FOXP2: variants seen among roughly 807,000 people sequenced by gnomAD.
The protein encoded by FOXP2 is forkhead box P2.
FOXP2 carries 12 observed loss-of-function variants against 115.8 expected under a neutral mutation model. The observed-to-expected ratio is 0.10, with a 90% confidence interval of 0.07 to 0.17. FOXP2 has a LOEUF of 0.17. FOXP2 is among the 10% of genes least tolerant of loss of function. The probability of loss-of-function intolerance (pLI) is 1.00; values close to 1 mark genes in which losing one functional copy is unlikely to be tolerated. For missense variants in FOXP2, 629 were observed against 843.5 expected (o/e 0.75, Z 3.15); for synonymous variants, 328 against 297.7 (o/e 1.10, Z -1.05).
intron 2 of FOXP2, among the ~76,000 whole-genome samples, chr7:114,335,335 A>G (rs1160931184): frequency 6.6e-6 from 1 of 151,922 alleles, no homozygotes; most frequent in Non-Finnish European, 1.5e-5. Flanking sequence ...AAGTGAATTC[A>G]TAGATTTTTC....
chr7:114,385,638 C>T (rs944533923), intron 2 of FOXP2, among the ~76,000 whole-genome samples: 1 of 152,138 alleles, frequency 6.6e-6, no homozygotes, highest in Non-Finnish European at 1.5e-5. Context: ...TTAAGTTCGG[C>T]GACCATGCTA....
At chr7:114,682,755 T>G (rs1331884051) in intron 16 of FOXP2, among the ~76,000 whole-genome samples, 1 of 152,144 alleles carries the variant, frequency 6.6e-6, no homozygotes, top group Non-Finnish European at 1.5e-5. Context: ...TGTGTTCCAT[T>G]TCTTTTGAGT....
At chr7:114,166,554 A>C (rs1792987859) in intron 1 of FOXP2, among the ~76,000 whole-genome samples, 1 of 152,088 alleles carries the variant, frequency 6.6e-6, no homozygotes. Flanking sequence ...AATACAAAAA[A>C]ATTAGCCAGG....
intron 1 of FOXP2, among the ~76,000 whole-genome samples, chr7:114,096,170 A>G (rs1799647471): frequency 6.6e-6 from 1 of 152,228 alleles, no homozygotes. Context: ...ATGCAGATTC[A>G]GCACAACCAA....
chr7:114,113,941 G>A (rs1006418261), intron 1 of FOXP2, among the ~76,000 whole-genome samples: 4 of 152,092 alleles, frequency 2.6e-5, no homozygotes, highest in Non-Finnish European at 5.9e-5. Context: ...CAACAGGAGA[G>A]GAGAATGAAG....
intron 2 of FOXP2, among the ~76,000 whole-genome samples, chr7:114,407,186 G>A (rs560075901): frequency 4.5e-4 from 69 of 151,970 alleles, no homozygotes; most frequent in African/African-American, 1.6e-3. Flanking sequence ...TTGTATTCTC[G>A]AAATCATTTT....
rs147252570 is a variant in FOXP2 at position 114,517,913 on chromosome 7, G to C, written c.169-16704G>C. On this transcript the variant is annotated intron_variant, in intron 2 of 16. Coordinates refer to ENST00000350908, the MANE Select transcript of FOXP2 (RefSeq NM_014491.4). ...TTGTATTGAATCTGTGGATCACTTG[G>C]AGCAGTATAGACATTTTAACAATAT... is the stretch of plus-strand genomic sequence containing the variant. Among the ~76,000 whole-genome samples, 14 of 152,112 alleles carry C rather than the reference G, an allele frequency of 9.2e-5. 1 individual carries two copies. The East Asian group carries it at 2.7e-3, about 29-fold the overall frequency.
chr7:114,420,153 T>C (rs1394834099), intron 1 of FOXP2, among the ~76,000 whole-genome samples: 1 of 151,800 alleles, frequency 6.6e-6, no homozygotes, highest in Non-Finnish European at 1.5e-5. Flanking sequence ...TAAGGAAAGA[T>C]ATGTGGCAGG....
chr7:114,371,627 C>T (rs1190435011), intron 2 of FOXP2, among the ~76,000 whole-genome samples: 1 of 151,886 alleles, frequency 6.6e-6, no homozygotes, highest in Non-Finnish European at 1.5e-5. Context: ...CAAAGATGTT[C>T]GATTAATGAA....
intron 2 of FOXP2, among the ~76,000 whole-genome samples, chr7:114,483,413 A>G (rs1796640048): frequency 6.6e-6 from 1 of 151,720 alleles, no homozygotes; most frequent in Non-Finnish European, 1.5e-5. Context: ...ACCAATCTCA[A>G]GATTTTAAGC....
At chr7:114,378,550 A>G (rs1365942515) in intron 2 of FOXP2, among the ~76,000 whole-genome samples, 1 of 151,572 alleles carries the variant, frequency 6.6e-6, no homozygotes, top group East Asian at 1.9e-4. Context: ...TAGGCATGGT[A>G]GTACATTCCT....
At chr7:114,623,499 C>A (rs1431283102) in intron 3 of FOXP2, among the ~76,000 whole-genome samples, 1 of 151,890 alleles carries the variant, frequency 6.6e-6, no homozygotes, top group Non-Finnish European at 1.5e-5. Flanking sequence ...ATAATCTGAG[C>A]AGCTTGATTA....
Position 114,628,854 on chromosome 7 carries a change from T to G in FOXP2, c.396+177T>G, listed in dbSNP as rs905546627. 6 of 720,246 alleles carry G rather than the reference T, an allele frequency of 8.3e-6. No homozygotes were observed. The African/African-American group carries it at 9.0e-5, about 11-fold the overall frequency. The allele number at this position is 720,246 out of a possible 1,614,324, so 44.6% of individuals were successfully genotyped here. ...GAACTCGTAAGAAAATCTAGATTGC[T>G]TATTTTTTTAAAAAAATTATTAAAG... is the stretch of plus-strand genomic sequence containing the variant. On this transcript the variant is annotated intron_variant, in intron 4 of 16. Coordinates refer to ENST00000350908, the MANE Select transcript of FOXP2 (RefSeq NM_014491.4).
chr7:114,261,865 C>A (rs1185972949), intron 1 of FOXP2, among the ~76,000 whole-genome samples: 1 of 151,956 alleles, frequency 6.6e-6, no homozygotes, highest in East Asian at 1.9e-4. Context: ...TCGAGACTAG[C>A]CTGGACAACA....
intron 6 of FOXP2, among the ~76,000 whole-genome samples, chr7:114,636,861 C>T (rs1345917387): frequency 6.6e-6 from 1 of 152,044 alleles, no homozygotes; most frequent in Non-Finnish European, 1.5e-5. Flanking sequence ...ACTCCACAAA[C>T]TCTGAATATG....
intron 2 of FOXP2, among the ~76,000 whole-genome samples, chr7:114,444,869 T>C (rs1010058677): frequency 1.3e-5 from 2 of 151,932 alleles, no homozygotes; most frequent in African/African-American, 4.8e-5. Context: ...ATAGTGGTTA[T>C]GTCTGGGTAA....
chr7:114,428,938 C>T (rs1665918365), intron 2 of FOXP2, among the ~76,000 whole-genome samples: 2 of 151,482 alleles, frequency 1.3e-5, no homozygotes, highest in Non-Finnish European at 1.5e-5. Flanking sequence ...AGTTAAATTA[C>T]TTCTTATAAT....
intron 3 of FOXP2, among the ~76,000 whole-genome samples, chr7:114,625,784 T>G (rs1804537097): frequency 6.6e-6 from 1 of 151,822 alleles, no homozygotes; most frequent in African/African-American, 2.4e-5. Context: ...AACTTAGATT[T>G]TTAGTAATCT....
At chr7:114,181,214 A>G (rs1242303513) in intron 1 of FOXP2, among the ~76,000 whole-genome samples, 1 of 151,364 alleles carries the variant, frequency 6.6e-6, no homozygotes, top group Non-Finnish European at 1.5e-5. Context: ...AAAGATCAGG[A>G]TGATTCTAAA....
Sources: gnomAD v4.1 joint callset for allele counts (sites outside exome capture counted in the v4.1 genomes callset) on GRCh38, gnomAD v4.1.1 for gene constraint, MANE v1.5 for transcripts, NCBI Gene and HGNC (gene_info 2026-07-23, HGNC 2026-07-21) for gene names.